Variants in NALF1 observed in about 807,000 individuals in gnomAD.
NALF1 encodes NALCN channel auxiliary factor 1.
A neutral mutation model predicts 48.4 loss-of-function variants in NALF1; 3 were observed. That is an observed-to-expected ratio of 0.06 (90% CI 0.03 to 0.16). The LOEUF (loss-of-function observed/expected upper bound fraction) is 0.16, where lower values mean the gene tolerates loss of function less well. Among genes scored for constraint, NALF1 ranks in the 10% least tolerant of loss-of-function variants. NALF1 has a pLI of 1.00. For missense variants in NALF1, 526 were observed against 571.5 expected (o/e 0.92, Z 0.81); for synonymous variants, 262 against 245.7 (o/e 1.07, Z -0.62).
intron 1 of NALF1, among the ~76,000 whole-genome samples, chr13:107,601,734 A>C (rs1000867787): frequency 6.6e-6 from 1 of 152,136 alleles, no homozygotes. Flanking sequence ...GATGAATACA[A>C]AACAAAACAC....
intron 1 of NALF1, among the ~76,000 whole-genome samples, chr13:107,851,812 T>TC (rs1880325582): frequency 7.0e-6 from 1 of 143,428 alleles, no homozygotes; most frequent in African/African-American, 2.6e-5. Context: ...TTTCTTTTTT[T>TC]TTTTTTTTTT....
intron 1 of NALF1, among the ~76,000 whole-genome samples, chr13:107,751,083 A>G (rs1410938741): frequency 2.6e-5 from 4 of 152,222 alleles, no homozygotes; most frequent in Non-Finnish European, 4.4e-5. Context: ...TTAAAGCAAC[A>G]ATTTCATTTC....
chr13:107,288,784 C>T lies in NALF1; in HGVS notation c.916-78029G>A, dbSNP rs561653434. Among the ~76,000 whole-genome samples, 55 of 152,060 alleles carry T rather than the reference C, an allele frequency of 3.6e-4. 1 individual carries two copies. The highest frequency in any genetic ancestry group is 6.5e-4 in the Admixed American group (10 of 15,272). On this transcript the variant is annotated intron_variant, in intron 1 of 2. Coordinates refer to ENST00000375915, the MANE Select transcript of NALF1 (RefSeq NM_001080396.3). ...CTGACCTATGGTGATCCACTCGCCT[C>T]GGCCTCCCAAATTGCTGGGATTACA...
intron 1 of NALF1, among the ~76,000 whole-genome samples, chr13:107,732,072 C>T (rs1255492776): frequency 6.6e-6 from 1 of 152,100 alleles, no homozygotes; most frequent in Admixed American, 6.6e-5. Flanking sequence ...CACATATTAT[C>T]ACCCTCATTT....
chr13:107,583,313 A>AC, intron 1 of NALF1, among the ~76,000 whole-genome samples: 1 of 152,176 alleles, frequency 6.6e-6, no homozygotes, highest in Non-Finnish European at 1.5e-5. Flanking sequence ...CAGGGTCTAA[A>AC]TAAATGTTCA....
chr13:107,506,791 C>T (rs954421198), intron 1 of NALF1, among the ~76,000 whole-genome samples: 3 of 151,958 alleles, frequency 2.0e-5, no homozygotes, highest in African/African-American at 7.2e-5. Flanking sequence ...ACTTGCTGGA[C>T]ATGTGGATCA....
chr13:107,340,115 G>T (rs1882639624), intron 1 of NALF1, among the ~76,000 whole-genome samples: 1 of 151,148 alleles, frequency 6.6e-6, no homozygotes, highest in African/African-American at 2.4e-5. Flanking sequence ...ATGCTCAACT[G>T]TTATTCCTCC....
intron 1 of NALF1, among the ~76,000 whole-genome samples, chr13:107,582,573 C>G (rs916335770): frequency 2.0e-5 from 3 of 152,110 alleles, no homozygotes; most frequent in African/African-American, 4.8e-5. Flanking sequence ...GCATGACTGG[C>G]TATGGGGTCA....
At chr13:107,404,627 T>C (rs904990535) in intron 1 of NALF1, among the ~76,000 whole-genome samples, 8 of 152,100 alleles carry the variant, frequency 5.3e-5, no homozygotes, top group Admixed American at 1.3e-4. Context: ...TCAGAGATGA[T>C]ATTAGAAGGT....
chr13:107,458,516 G>A (rs1036716260), intron 1 of NALF1, among the ~76,000 whole-genome samples: 3 of 152,216 alleles, frequency 2.0e-5, no homozygotes, highest in Non-Finnish European at 2.9e-5. Context: ...TGTGCAGGAA[G>A]TGCACGCCTG....
chr13:107,818,871 CAAAAAAAAA>C (rs774372636), intron 1 of NALF1, among the ~76,000 whole-genome samples: 1 of 73,816 alleles, frequency 1.4e-5, no homozygotes, highest in Non-Finnish European at 3.0e-5. Context: ...GACTCCGTCT[CAAAAAAAAA>C]AAAAAAAAAA....
intron 1 of NALF1, among the ~76,000 whole-genome samples, chr13:107,342,661 G>C (rs1193492351): frequency 6.6e-6 from 1 of 152,150 alleles, no homozygotes; most frequent in African/African-American, 2.4e-5. Flanking sequence ...TACAATTGAA[G>C]TTAAGTTGAT....
At chr13:107,515,608 T>C (rs920635760) in intron 1 of NALF1, among the ~76,000 whole-genome samples, 1 of 152,216 alleles carries the variant, frequency 6.6e-6, no homozygotes, top group African/African-American at 2.4e-5. Flanking sequence ...TCATTACTAA[T>C]AATAACCAGG....
At chr13:107,562,341 T>C (rs1197974377) in intron 1 of NALF1, among the ~76,000 whole-genome samples, 1 of 152,224 alleles carries the variant, frequency 6.6e-6, no homozygotes, top group African/African-American at 2.4e-5. Flanking sequence ...GGCGTGCTTG[T>C]AATTTGTATA....
intron 1 of NALF1, among the ~76,000 whole-genome samples, chr13:107,608,498 C>A (rs1449242306): frequency 6.6e-6 from 1 of 152,060 alleles, no homozygotes; most frequent in African/African-American, 2.4e-5. Context: ...TGTTACACAG[C>A]AATATATTAC....
intron 1 of NALF1, among the ~76,000 whole-genome samples, chr13:107,262,601 T>C (rs934462897): frequency 6.6e-6 from 1 of 152,204 alleles, no homozygotes; most frequent in African/African-American, 2.4e-5. Flanking sequence ...TCAGAAAACA[T>C]GATTTCTTTA....
chr13:107,213,324 A>G (rs1879806401), intron 1 of NALF1, among the ~76,000 whole-genome samples: 1 of 151,808 alleles, frequency 6.6e-6, no homozygotes, highest in Non-Finnish European at 1.5e-5. Flanking sequence ...TTATGAAGAA[A>G]AGTGATCGAG....
chr13:107,382,460 A>T (rs546561807), intron 1 of NALF1, among the ~76,000 whole-genome samples: 15 of 152,208 alleles, frequency 9.9e-5, no homozygotes, highest in Non-Finnish European at 2.2e-4. Flanking sequence ...AGACTTACAG[A>T]GGAGTTGCAA....
chr13:107,200,345 G>A (rs1192222952), intron 2 of NALF1, among the ~76,000 whole-genome samples: 2 of 152,190 alleles, frequency 1.3e-5, no homozygotes, highest in African/African-American at 2.4e-5. Context: ...GGGTCCCAAA[G>A]AGGAAGTGAT....
Sources: gnomAD v4.1 joint callset for allele counts (sites outside exome capture counted in the v4.1 genomes callset) on GRCh38, gnomAD v4.1.1 for gene constraint, MANE v1.5 for transcripts, NCBI Gene and HGNC (gene_info 2026-07-23, HGNC 2026-07-21) for gene names.